The following SPTLC3 variants were observed in gnomAD, a reference collection of about 807,000 sequenced individuals.
The protein encoded by SPTLC3 is serine palmitoyltransferase long chain base subunit 3, also known as serine palmitoyltransferase 3.
A neutral mutation model predicts 59.3 loss-of-function variants in SPTLC3; 36 were observed. That is an observed-to-expected ratio of 0.61 (90% confidence interval 0.47 to 0.80). The LOEUF is 0.80. SPTLC3 is among the 30% of genes least tolerant of loss of function. The pLI, the probability that SPTLC3 is intolerant of heterozygous loss-of-function variation, is 0.00. For missense variants in SPTLC3, 625 were observed against 685.1 expected (o/e 0.91, Z 0.98); for synonymous variants, 257 against 240.8 (o/e 1.07, Z -0.62).
At chr20:13,126,756 C>T in intron 9 of SPTLC3, 39 bp downstream of exon 9, 4 of 1,609,882 alleles carry the variant, frequency 2.5e-6, no homozygotes, top group Non-Finnish European at 3.4e-6. Flanking sequence ...CTGGACCTCT[C>T]TGTCTCCCTT....
intron 8 of SPTLC3, 126 bp from the exon 9 acceptor site, chr20:13,126,465 A>T: frequency 8.9e-7 from 1 of 1,127,176 alleles, no homozygotes; most frequent in Non-Finnish European, 1.2e-6. Flanking sequence ...GTTGGACCCC[A>T]TTCATCTTTT....
chr20:13,142,708 A>T (rs1361828689), intron 9 of SPTLC3, among the ~76,000 whole-genome samples: 1 of 152,170 alleles, frequency 6.6e-6, no homozygotes, highest in Non-Finnish European at 1.5e-5. Flanking sequence ...CTGCTGTTTT[A>T]TCTGGAGCTC....
chr20:13,037,995 A>G (rs1362448072), intron 1 of SPTLC3, among the ~76,000 whole-genome samples: 1 of 151,006 alleles, frequency 6.6e-6, no homozygotes, highest in Non-Finnish European at 1.5e-5. Flanking sequence ...AATGAGTCAC[A>G]TGGCCTACCA....
chr20:13,011,332 A>G (rs891906806), intron 1 of SPTLC3, among the ~76,000 whole-genome samples: 2 of 152,158 alleles, frequency 1.3e-5, no homozygotes, highest in African/African-American at 4.8e-5. Flanking sequence ...AAAGGCTTAC[A>G]GAATCCTAGG....
chr20:13,075,660 G>A (rs1988619716), intron 4 of SPTLC3, among the ~76,000 whole-genome samples: 3 of 152,168 alleles, frequency 2.0e-5, no homozygotes, highest in Non-Finnish European at 4.4e-5. Flanking sequence ...CCACTTAGAA[G>A]GACTGGGTCA....
chr20:13,096,029 CATG>C (rs1989399933), intron 6 of SPTLC3, among the ~76,000 whole-genome samples: 1 of 151,988 alleles, frequency 6.6e-6, no homozygotes. Context: ...TGAAAAGGGC[CATG>C]ATGACATCAA....
chr20:13,051,624 C>A (rs933430086), intron 2 of SPTLC3, among the ~76,000 whole-genome samples: 1 of 152,094 alleles, frequency 6.6e-6, no homozygotes, highest in Admixed American at 6.5e-5. Flanking sequence ...ATCCAACAAC[C>A]GCAGAATACA....
At chr20:13,105,000 C>G (rs1463324241) in intron 6 of SPTLC3, among the ~76,000 whole-genome samples, 1 of 152,052 alleles carries the variant, frequency 6.6e-6, no homozygotes, top group African/African-American at 2.4e-5. Flanking sequence ...TAATAAGCAT[C>G]ATTATTTTAA....
chr20:13,022,952 C>T (rs1259555385), intron 1 of SPTLC3, among the ~76,000 whole-genome samples: 3 of 152,172 alleles, frequency 2.0e-5, no homozygotes, highest in Admixed American at 6.5e-5. Context: ...TGACTCATCT[C>T]CTGCTACTTT....
At chr20:13,108,062 A>G (rs969402603) in intron 6 of SPTLC3, among the ~76,000 whole-genome samples, 1 of 152,030 alleles carries the variant, frequency 6.6e-6, no homozygotes, top group Non-Finnish European at 1.5e-5. Context: ...GCTTTTTCTG[A>G]ATTTCAGGAC....
intron 6 of SPTLC3, among the ~76,000 whole-genome samples, chr20:13,108,957 T>C (rs192258808): frequency 6.6e-6 from 1 of 152,174 alleles, no homozygotes; most frequent in African/African-American, 2.4e-5. Context: ...TTCAGTTTCA[T>C]CTTCTCAAAA....
intron 6 of SPTLC3, among the ~76,000 whole-genome samples, chr20:13,100,697 C>G (rs961162780): frequency 2.0e-5 from 3 of 152,190 alleles, no homozygotes; most frequent in Non-Finnish European, 4.4e-5. Flanking sequence ...TCAGCTTTCA[C>G]TGGTATTAAG....
chr20:13,010,888 T>C (rs646814), intron 1 of SPTLC3, among the ~76,000 whole-genome samples: 42,219 of 152,044 alleles, frequency 0.28, 10,328 homozygotes, highest in African/African-American at 0.67. Context: ...TAGACAGTTA[T>C]AACCACTCCT....
chr20:13,052,764 C>T (rs1408952079), intron 2 of SPTLC3, among the ~76,000 whole-genome samples: 1 of 152,150 alleles, frequency 6.6e-6, no homozygotes, highest in Non-Finnish European at 1.5e-5. Flanking sequence ...ACAGTGTAAA[C>T]AAAGCAGTGG....
At chr20:13,090,555 C>T (rs928937412) in intron 4 of SPTLC3, among the ~76,000 whole-genome samples, 3 of 152,060 alleles carry the variant, frequency 2.0e-5, no homozygotes, top group Non-Finnish European at 4.4e-5. Flanking sequence ...ATTTCATTTA[C>T]AGCATGGTGA....
chr20:13,034,477 C>G (rs1986643756), intron 1 of SPTLC3, among the ~76,000 whole-genome samples: 2 of 152,124 alleles, frequency 1.3e-5, no homozygotes, highest in South Asian at 4.2e-4. Flanking sequence ...CTCTAGGGAG[C>G]AGATTAGAGT....
rs60787251 is a variant in SPTLC3 at position 13,060,377 on chromosome 20, GTTATTTATTTAT to G, written c.303+11276_303+11287del. 2.5e-3 allele frequency among the ~76,000 whole-genome samples: 368 copies of G among 146,266 alleles called. 2 individuals are homozygous for G. Among genetic ancestry groups the G allele is most frequent in the Admixed American group, 4.9e-3 (73 of 14,754 alleles). ...TGTGTAGGAGAAGGCAAGAGCTAAA[GTTATTTATTTAT>G]TTATTTATTTATTTATTTATTTATT... On this transcript the variant is annotated intron_variant, in intron 2 of 11. Transcript: ENST00000399002.
At chr20:13,041,902 C>T (rs1288482884) in intron 1 of SPTLC3, among the ~76,000 whole-genome samples, 2 of 152,164 alleles carry the variant, frequency 1.3e-5, no homozygotes, top group African/African-American at 4.8e-5. Flanking sequence ...TTTTAGGAAG[C>T]TTCTATATGA....
intron 1 of SPTLC3, among the ~76,000 whole-genome samples, chr20:13,029,917 C>T (rs75249282): frequency 0.055 from 8,379 of 152,246 alleles, 273 homozygotes; most frequent in South Asian, 0.084. Context: ...GTCAGAGAGC[C>T]TTCTGCTTCT....
Sources: gnomAD v4.1 joint callset for allele counts (sites outside exome capture counted in the v4.1 genomes callset) on GRCh38, gnomAD v4.1.1 for gene constraint, MANE v1.5 for transcripts, NCBI Gene and HGNC (gene_info 2026-07-23, HGNC 2026-07-21) for gene names.